CES4A: variants seen among roughly 807,000 people sequenced by gnomAD.
CES4A encodes carboxylesterase 6.
In CES4A, 48 loss-of-function variants were observed where a neutral mutation model predicts 65.4. The ratio of observed to expected loss-of-function variants is 0.73; its 90% confidence interval spans 0.58 to 0.93. CES4A has a LOEUF of 0.93. CES4A is among the 40% of genes least tolerant of loss of function. The probability of loss-of-function intolerance (pLI) is 0.00; values close to 1 mark genes in which losing one functional copy is unlikely to be tolerated. For missense variants in CES4A, 685 were observed against 728.5 expected (o/e 0.94, Z 0.69); for synonymous variants, 247 against 281.8 (o/e 0.88, Z 1.24).
intron 11 of CES4A, 66 bp from the exon 12 acceptor site, chr16:67,006,325 A>G: frequency 6.6e-7 from 1 of 1,520,718 alleles, no homozygotes; most frequent in Non-Finnish European, 8.8e-7. Flanking sequence ...AGTGGGAGGC[A>G]TGGGGTGGAT....
chr16:66,988,845 C>T lies in CES4A; in HGVS notation c.58+15C>T, dbSNP rs1162562853. On this transcript the variant is annotated intron_variant, in intron 1 of 13. Transcript: ENST00000648724. ...GACGGCCTTGGGTAAGACCCCCACC[C>T]CTTCCCGAGAGTGTCAGGCAAGACG... 7 of 1,557,086 alleles carry T rather than the reference C, an allele frequency of 4.5e-6. No homozygotes were observed. In the African/African-American group the frequency reaches 9.6e-5, roughly 21 times the overall value.
chr16:66,996,913 G>T (rs1964899898), intron 2 of CES4A, among the ~76,000 whole-genome samples: 1 of 152,040 alleles, frequency 6.6e-6, no homozygotes, highest in South Asian at 2.1e-4. Context: ...AAAAATATCT[G>T]GGGGTGGTGG....
intron 1 of CES4A, among the ~76,000 whole-genome samples, chr16:66,993,336 C>T (rs1218672056): frequency 6.6e-6 from 1 of 152,060 alleles, no homozygotes; most frequent in Non-Finnish European, 1.5e-5. Context: ...CTGCATGTTT[C>T]TTGGAGTGTT....
chr16:66,998,767 A>G (rs1415161302), intron 2 of CES4A, among the ~76,000 whole-genome samples: 1 of 152,042 alleles, frequency 6.6e-6, no homozygotes, highest in Non-Finnish European at 1.5e-5. Context: ...CAGTGAGCTG[A>G]TATCTCCCAC....
chr16:67,005,105 TC>T, intron 10 of CES4A, 134 bp from the exon 11 acceptor site: 1 of 934,528 alleles, frequency 1.1e-6, no homozygotes, highest in Non-Finnish European at 1.7e-6. Context: ...ACAGAAACTT[TC>T]CCAGGAAGCT....
intron 1 of CES4A, 21 bp from the exon 2 acceptor site, chr16:66,995,607 C>T: frequency 6.2e-7 from 1 of 1,608,440 alleles, no homozygotes; most frequent in African/African-American, 1.3e-5. Context: ...CAGAGGTGAC[C>T]CTTTTCCCTT....
Position 66,999,709 on chromosome 16 carries a change from G to A in CES4A, c.261-929G>A, listed in dbSNP as rs137992780. On this transcript the variant is annotated intron_variant, in intron 2 of 13. Coordinates refer to ENST00000648724, the Ensembl canonical transcript of CES4A. ...CCCAGCTACTTGCAAGATTGAGGTAGGAGAATTGCTTGAACCTAGAGGCAG... is the reference window on the plus strand; with the variant it reads ...CCCAGCTACTTGCAAGATTGAGGTAAGAGAATTGCTTGAACCTAGAGGCAG... Among the ~76,000 whole-genome samples the A allele has an allele frequency of 5.2e-3, 788 of 152,276 alleles. 5 individuals are homozygous for A. Among genetic ancestry groups the A allele is most frequent in the African/African-American group, 0.018 (769 of 41,576 alleles).
chr16:67,009,600 G>A, exon 14 of CES4A: 1 of 157,746 alleles, frequency 6.3e-6, no homozygotes, highest in Non-Finnish European at 1.4e-5. Flanking sequence ...TGGCCTGGAG[G>A]CCTAGGGCAG....
chr16:66,988,863 G>C (rs1964155525), intron 1 of CES4A, 33 bp downstream of exon 1: 27 of 1,543,916 alleles, frequency 1.7e-5, no homozygotes, highest in Non-Finnish European at 2.4e-5. Context: ...AGAGTGTCAG[G>C]CAAGACGGGC....
intron 1 of CES4A, among the ~76,000 whole-genome samples, chr16:66,992,749 C>T (rs924715018): frequency 1.3e-5 from 2 of 152,182 alleles, no homozygotes. Context: ...GTGATCTCTG[C>T]TCACCGCAAC....
Position 66,988,706 on chromosome 16 carries a change from G to A in CES4A, c.-67G>A, listed in dbSNP as rs756105495. The A allele has an allele frequency of 1.5e-5, 24 of 1,550,060 alleles. No homozygotes were observed. The highest frequency in any genetic ancestry group is 1.9e-5 in the Non-Finnish European group (22 of 1,146,986). On this transcript the variant is annotated 5_prime_UTR_variant, in exon 1 of 14. An upstream start codon of the reference 5' UTR is lost. Transcript: ENST00000648724. ...CACACACTGTAGACACGGCTACCAT[G>A]CCATCCACAGTGTTGCCATCCACAG...
intron 1 of CES4A, among the ~76,000 whole-genome samples, chr16:66,991,003 C>T (rs1283419983): frequency 6.6e-6 from 1 of 151,222 alleles, no homozygotes; most frequent in Non-Finnish European, 1.5e-5. Context: ...CTTTTCTTTT[C>T]TTTTCTTTTC....
In CES4A at chr16:67,003,516, G is replaced by A. The variant is rs1965514130; in HGVS notation, c.902G>A (p.Arg301Lys). The A allele has an allele frequency of 6.2e-7, 1 of 1,613,542 alleles. No individual in the cohort carries two copies. The highest frequency in any genetic ancestry group is 8.5e-7 in the Non-Finnish European group (1 of 1,179,472). Residue 301 changes from arginine to lysine, a missense_variant and splice_region_variant, in exon 8 of 14, where the codon AGA becomes AAA. Coordinates refer to ENST00000648724, the Ensembl canonical transcript of CES4A. This position sits in a 1 kb window ranked among gnomAD's most constrained non-coding sequence, Gnocchi z 4.2. ...CTGATCCCTTCCTCTCCCCCATAGA[G>A]ATTCCTCCAACTGAACTTCCAGAGA... is the stretch of plus-strand genomic sequence containing the variant.
In CES4A at chr16:67,008,969, G is replaced by T; in HGVS notation, c.1518-5G>T. ...GGTAATCCTCTCTTTTTTATTTCTG[G>T]GCAGAAACCCCAATGATGGGAATCT... On this transcript the variant is annotated splice_polypyrimidine_tract_variant and splice_region_variant and intron_variant, in intron 13 of 13. Transcript: ENST00000648724. The T allele has an allele frequency of 1.9e-6, 3 of 1,603,318 alleles. No homozygotes were observed. Among genetic ancestry groups the T allele is most frequent in the Admixed American group, 3.5e-5 (2 of 56,598 alleles).
chr16:66,994,122 C>T (rs1344326159), intron 1 of CES4A, among the ~76,000 whole-genome samples: 1 of 151,260 alleles, frequency 6.6e-6, no homozygotes, highest in African/African-American at 2.4e-5. Flanking sequence ...AGAGGTGTAG[C>T]TATATTAATA....
At position 67,001,025 on chromosome 16, in the gene CES4A, T is replaced by A; in HGVS notation, c.536+35T>A. Reference sequence around the variant, plus strand: ...CCGGTACCCTTTGGGACCGCAGCTGTGGCCAGAGCGGCGGGGACTGGGTGG... The same window carrying A: ...CCGGTACCCTTTGGGACCGCAGCTGAGGCCAGAGCGGCGGGGACTGGGTGG... On this transcript the variant is annotated intron_variant, in intron 4 of 13. Coordinates refer to ENST00000648724, the Ensembl canonical transcript of CES4A. This position sits in a 1 kb window ranked among gnomAD's most constrained non-coding sequence, Gnocchi z 4.1. The A allele has an allele frequency of 1.5e-6, 2 of 1,349,580 alleles. No individual in the cohort carries two copies. Among genetic ancestry groups the A allele is most frequent in the South Asian group, 2.3e-5 (2 of 86,710 alleles). 83.6% of individuals were successfully genotyped at this position (1,349,580 alleles called of 1,614,324 possible).
chr16:67,000,516 TGCGCACGCACACGCAC>T lies in CES4A; in HGVS notation c.261-115_261-100del. 6.9e-7 allele frequency: 1 copy of T among 1,450,268 alleles called. No homozygotes were observed. Among genetic ancestry groups the T allele is most frequent in the Non-Finnish European group, 9.1e-7 (1 of 1,099,802 alleles). 89.8% of individuals were successfully genotyped at this position (1,450,268 alleles called of 1,614,324 possible). A position where few individuals can be genotyped will look rare whatever the true frequency, so the allele number is the denominator to read the frequency against. ...TCCTGTACACGCACACGCACGCACA[TGCGCACGCACACGCAC>T]GCGCACAGACGCTGCCTGGATTTTG... On this transcript the variant is annotated intron_variant, in intron 2 of 13. Coordinates refer to ENST00000648724, the Ensembl canonical transcript of CES4A. This position sits in a 1 kb window ranked among gnomAD's most constrained non-coding sequence, Gnocchi z 4.2.
rs866889425 is a variant in CES4A at position 67,003,956 on chromosome 16, A to G, written c.940-128A>G. The G allele has an allele frequency of 1.3e-5, 13 of 991,602 alleles. No homozygotes were observed. Among genetic ancestry groups the G allele is most frequent in the African/African-American group, 6.5e-5 (4 of 61,882 alleles). The allele number at this position is 991,602 out of a possible 1,614,324, so 61.4% of individuals were successfully genotyped here. ...CACACCCATCCTCCTGGGGCTCACC[A>G]TGCCAGCCCCAGCCTTTTCCCAATC... On this transcript the variant is annotated intron_variant, in intron 8 of 13. Transcript: ENST00000648724. The surrounding 1 kb of genome is among the most constrained non-coding windows in gnomAD (Gnocchi z 4.2).
chr16:67,001,323 C>T lies in CES4A; in HGVS notation c.552C>T (p.His184=). The T allele has an allele frequency of 1.2e-6, 2 of 1,608,952 alleles. No individual in the cohort carries two copies. The highest frequency in any genetic ancestry group is 1.1e-5 in the South Asian group (1 of 90,456). ...ACACGCCCAGCACGGACGACAGCCACGCGCGCGGGAACTGGGGGCTGCTGG... is the reference window on the plus strand; with the variant it reads ...ACACGCCCAGCACGGACGACAGCCATGCGCGCGGGAACTGGGGGCTGCTGG... Residue 184 remains histidine (H), a synonymous_variant, in exon 5 of 14, where the codon CAC becomes CAT. Transcript: ENST00000648724. The surrounding 1 kb of genome is among the most constrained non-coding windows in gnomAD (Gnocchi z 4.1).
Sources: gnomAD v4.1 joint callset for allele counts (sites outside exome capture counted in the v4.1 genomes callset) on GRCh38, gnomAD v4.1.1 for gene constraint, Gnocchi (gnomAD v3.1) non-coding constraint, MANE v1.5 for transcripts, NCBI Gene and HGNC (gene_info 2026-07-23, HGNC 2026-07-21) for gene names.